Variants in PTPRG observed in about 807,000 individuals in gnomAD.
PTPRG encodes the protein protein tyrosine phosphatase receptor type G, also known as receptor-type tyrosine-protein phosphatase gamma.
PTPRG carries 102 observed loss-of-function variants against 165.3 expected under a neutral mutation model. The observed-to-expected ratio is 0.62, with a 90% CI of 0.53 to 0.73. PTPRG has a LOEUF of 0.73. Among genes scored for constraint, PTPRG ranks in the 30% least tolerant of loss-of-function variants. The pLI, the probability that PTPRG is intolerant of heterozygous loss-of-function variation, is 0.00. For synonymous variants in PTPRG, 675 were observed against 669.5 expected (o/e 1.01, Z -0.13); for missense variants, 1,866 against 1,861.4 (o/e 1.00, Z -0.05).
At chr3:61,703,048 C>T (rs2031058251) in intron 1 of PTPRG, among the ~76,000 whole-genome samples, 1 of 152,094 alleles carries the variant, frequency 6.6e-6, no homozygotes, top group South Asian at 2.1e-4. Context: ...GCATTTGAAC[C>T]TTGATTCTCT....
At chr3:62,243,730 TA>T in intron 14 of PTPRG, 76 bp from the exon 15 acceptor site, 1 of 926,844 alleles carries the variant, frequency 1.1e-6, no homozygotes, top group Non-Finnish European at 1.7e-6. Flanking sequence ...GGAAGATCTA[TA>T]AAATAAGAAT....
At chr3:62,133,136 G>A (rs540421276) in intron 6 of PTPRG, among the ~76,000 whole-genome samples, 44 of 152,262 alleles carry the variant, frequency 2.9e-4, no homozygotes, top group African/African-American at 1.1e-3. Flanking sequence ...CTGCTGTTCT[G>A]TGCTGCAGAT....
intron 13 of PTPRG, among the ~76,000 whole-genome samples, chr3:62,230,286 C>T (rs1048293503): frequency 7.2e-5 from 11 of 152,168 alleles, no homozygotes; most frequent in Admixed American, 2.0e-4. Context: ...ATGTTCATTC[C>T]TAGAAGTGAA....
intron 1 of PTPRG, among the ~76,000 whole-genome samples, chr3:61,674,559 G>A (rs1020968547): frequency 2.6e-5 from 4 of 151,468 alleles, no homozygotes; most frequent in Non-Finnish European, 4.4e-5. Flanking sequence ...GTGGGAGGTA[G>A]GAGACGATTC....
intron 2 of PTPRG, among the ~76,000 whole-genome samples, chr3:61,753,235 A>G (rs1047932471): frequency 5.3e-5 from 8 of 152,236 alleles, no homozygotes; most frequent in East Asian, 1.9e-4. Context: ...AATAATAGCA[A>G]TGTAATTTGA....
At chr3:61,621,897 G>A (rs1204012650) in intron 1 of PTPRG, among the ~76,000 whole-genome samples, 1 of 152,170 alleles carries the variant, frequency 6.6e-6, no homozygotes, top group Non-Finnish European at 1.5e-5. Context: ...TAGAGAACAC[G>A]GGAAATAGCC....
chr3:62,192,827 A>G (rs1699870997), intron 9 of PTPRG, among the ~76,000 whole-genome samples: 1 of 152,204 alleles, frequency 6.6e-6, no homozygotes, highest in South Asian at 2.1e-4. Flanking sequence ...CCGTAATTGT[A>G]TATGCACATG....
chr3:61,940,889 C>T (rs1289192792), intron 2 of PTPRG, among the ~76,000 whole-genome samples: 1 of 152,108 alleles, frequency 6.6e-6, no homozygotes, highest in African/African-American at 2.4e-5. Context: ...TGATCTCGAT[C>T]TCCTGACCTC....
chr3:61,813,515 CAAAAAAAA>C (rs552214510), intron 2 of PTPRG, among the ~76,000 whole-genome samples: 1,049 of 57,918 alleles, frequency 0.018, 14 homozygotes, highest in African/African-American at 0.063. Flanking sequence ...GACTCCGTCT[CAAAAAAAA>C]AAAAAAGAAA....
intron 4 of PTPRG, among the ~76,000 whole-genome samples, chr3:62,013,178 T>A (rs1450089208): frequency 6.6e-6 from 1 of 152,158 alleles, no homozygotes; most frequent in Non-Finnish European, 1.5e-5. Context: ...TTCCAAAATA[T>A]TGTTTTAACA....
At chr3:62,292,178 C>A (rs561734415) in intron 28 of PTPRG, among the ~76,000 whole-genome samples, 1 of 152,070 alleles carries the variant, frequency 6.6e-6, no homozygotes. Context: ...CTCTCATTTC[C>A]TATTAGATAT....
intron 1 of PTPRG, among the ~76,000 whole-genome samples, chr3:61,696,417 G>T (rs2030597529): frequency 6.6e-6 from 1 of 152,114 alleles, no homozygotes; most frequent in Non-Finnish European, 1.5e-5. Context: ...CAAGAGAATT[G>T]CTTGAACCCA....
In PTPRG at chr3:62,281,537, G is replaced by GTTTTTTTTTTTTTTTTTTTTTTTTTT. The variant is rs778994257; in HGVS notation, c.3766-26_3766-25insTTTTTTTTTTTTTTTTTTTTTTTTTT. 51 of 174,950 alleles carry GTTTTTTTTTTTTTTTTTTTTTTTTTT rather than the reference G, an allele frequency of 2.9e-4. 1 individual carries two copies. Among genetic ancestry groups the GTTTTTTTTTTTTTTTTTTTTTTTTTT allele is most frequent in the Admixed American group, 5.4e-4 (2 of 3,738 alleles). The allele number at this position is 174,950 out of a possible 1,614,324, so 10.8% of individuals were successfully genotyped here. On this transcript the variant is annotated intron_variant, in intron 26 of 29. Transcript: ENST00000474889. ...ACAAATCCTTGACAGAACTGCAGAGGCTTTTTTTTTTTTTGGATTCCAAAG... is the reference window on the plus strand; with the variant it reads ...ACAAATCCTTGACAGAACTGCAGAGGTTTTTTTTTTTTTTTTTTTTTTTTTTCTTTTTTTTTTTTTGGATTCCAAAG...
intron 1 of PTPRG, among the ~76,000 whole-genome samples, chr3:61,632,834 A>C (rs534716757): frequency 6.6e-6 from 1 of 151,950 alleles, no homozygotes; most frequent in African/African-American, 2.4e-5. Flanking sequence ...ATGGCATCAC[A>C]TTACATGTAG....
At chr3:62,011,523 G>C (rs1370094797) in intron 4 of PTPRG, among the ~76,000 whole-genome samples, 1 of 152,196 alleles carries the variant, frequency 6.6e-6, no homozygotes, top group Non-Finnish European at 1.5e-5. Context: ...GTGTAGCCTA[G>C]TAGTGACTTC....
chr3:62,252,111 C>CCCA lies in PTPRG; in HGVS notation c.2468-3002_2468-3000dup, dbSNP rs1277574071. Among the ~76,000 whole-genome samples, 1 of 152,124 alleles carries CCCA rather than the reference C, an allele frequency of 6.6e-6. No homozygotes were observed. Among genetic ancestry groups the CCCA allele is most frequent in the African/African-American group, 2.4e-5 (1 of 41,416 alleles). On this transcript the variant is annotated intron_variant, in intron 15 of 29. Coordinates refer to ENST00000474889, the MANE Select transcript of PTPRG (RefSeq NM_002841.4). The surrounding 1 kb of genome is among the most constrained non-coding windows in gnomAD (Gnocchi z 4.6). ...AGCCCCTTTTTTCCTTTATGCTTCT[C>CCCA]CCACCACCACCACTGCATCAGTGAC...
At chr3:62,278,240 T>C (rs141063600) in intron 26 of PTPRG, among the ~76,000 whole-genome samples, 4 of 152,062 alleles carry the variant, frequency 2.6e-5, no homozygotes, top group Non-Finnish European at 5.9e-5. Flanking sequence ...TTTTACTGTA[T>C]GTCTTACCCC....
At chr3:62,148,118 C>CCT (rs1051481170) in intron 6 of PTPRG, among the ~76,000 whole-genome samples, 3 of 152,126 alleles carry the variant, frequency 2.0e-5, no homozygotes, top group African/African-American at 7.2e-5. Context: ...TGCACTCCAG[C>CCT]CTGGGTGACA....
chr3:61,577,155 G>T lies in PTPRG; in HGVS notation c.85+14783G>T, dbSNP rs145761477. 3.3e-3 allele frequency among the ~76,000 whole-genome samples: 505 copies of T among 152,260 alleles called. 2 individuals are homozygous for T. Among genetic ancestry groups the T allele is most frequent in the African/African-American group, 0.012 (479 of 41,528 alleles). On this transcript the variant is annotated intron_variant, in intron 1 of 29. Transcript: ENST00000474889. ...GTAGCTTGTTTCTCAAAATTTGAGT[G>T]GTCCTCTGATCAGTGTTATTTTTGA...
Sources: allele counts gnomAD v4.1 joint callset (sites outside exome capture counted in the v4.1 genomes callset), GRCh38; gene constraint gnomAD v4.1.1; non-coding constraint Gnocchi (gnomAD v3.1); transcripts MANE v1.5; gene names NCBI Gene and HGNC (gene_info 2026-07-23, HGNC 2026-07-21).